Variants in SLC13A1 observed in about 807,000 individuals in gnomAD.
SLC13A1 encodes the protein Na(+)/sulfate cotransporter.
A neutral mutation model predicts 70.0 loss-of-function variants in SLC13A1; 65 were observed. The ratio of observed to expected loss-of-function variants is 0.93; its 90% CI spans 0.76 to 1.14. SLC13A1 has a LOEUF of 1.14. Among genes scored for constraint, SLC13A1 ranks in the 50% most tolerant of loss-of-function variants. The probability of loss-of-function intolerance (pLI) is 0.00; values close to 1 mark genes in which losing one functional copy is unlikely to be tolerated. For synonymous variants in SLC13A1, 275 were observed against 250.5 expected (o/e 1.10, Z -0.92); for missense variants, 726 against 717.8 (o/e 1.01, Z -0.13).
chr7:123,118,153 C>T (rs1193571274), intron 13 of SLC13A1, among the ~76,000 whole-genome samples: 2 of 151,990 alleles, frequency 1.3e-5, no homozygotes, highest in Non-Finnish European at 2.9e-5. Flanking sequence ...CCTGTGGCTC[C>T]AGCAGTTCTC....
chr7:123,119,269 T>C, intron 12 of SLC13A1, 27 bp from the exon 13 acceptor site: 1 of 1,467,982 alleles, frequency 6.8e-7, no homozygotes, highest in South Asian at 1.2e-5. Flanking sequence ...CAATATTTGT[T>C]ACTCATGAAT....
At chr7:123,142,700 C>G (rs1309466527) in intron 7 of SLC13A1, among the ~76,000 whole-genome samples, 1 of 122,920 alleles carries the variant, frequency 8.1e-6, no homozygotes, top group Non-Finnish European at 1.7e-5. Flanking sequence ...TCACCACAAC[C>G]TCTGCCTCCC....
chr7:123,127,163 T>A (rs1455156999), intron 10 of SLC13A1, among the ~76,000 whole-genome samples: 2 of 152,266 alleles, frequency 1.3e-5, no homozygotes, highest in South Asian at 4.1e-4. Context: ...AAATTTTATT[T>A]GTTTTGGGTT....
Position 123,133,996 on chromosome 7 carries a change from C to G in SLC13A1, c.932+414G>C, listed in dbSNP as rs77339921. 3.4e-3 allele frequency among the ~76,000 whole-genome samples: 519 copies of G among 152,138 alleles called. 3 individuals are homozygous for G. Among genetic ancestry groups the G allele is most frequent in the African/African-American group, 0.012 (488 of 41,510 alleles). ...GGGACCAGAGGCGCACACCACCATG[C>G]CTGGATGGTCCTTTTAGGGGGGAGG... On this transcript the variant is annotated intron_variant, in intron 8 of 14. Transcript: ENST00000194130.
At chr7:123,128,126 C>A (rs936123033) in intron 10 of SLC13A1, among the ~76,000 whole-genome samples, 3 of 152,064 alleles carry the variant, frequency 2.0e-5, no homozygotes, top group African/African-American at 2.4e-5. Context: ...CTTTTAAAAT[C>A]AGTCCTATTA....
intron 7 of SLC13A1, among the ~76,000 whole-genome samples, chr7:123,139,179 C>T (rs1395626640): frequency 2.0e-5 from 3 of 152,050 alleles, no homozygotes; most frequent in Admixed American, 6.6e-5. Context: ...GACTGCCTTT[C>T]CCCAGTGTAT....
intron 6 of SLC13A1, among the ~76,000 whole-genome samples, 195 bp downstream of exon 6, chr7:123,168,179 A>G (rs1563343103): frequency 6.6e-6 from 1 of 152,184 alleles, no homozygotes; most frequent in Non-Finnish European, 1.5e-5. Context: ...AGAGCCTAAA[A>G]TGGTTCCTAT....
chr7:123,180,911 T>C (rs760787899), intron 2 of SLC13A1, 62 bp downstream of exon 2: 10 of 1,536,172 alleles, frequency 6.5e-6, no homozygotes, highest in Non-Finnish European at 7.9e-6. Flanking sequence ...AAATAACTTT[T>C]CTCAATGGAA....
chr7:123,171,617 T>C (rs1795274553), intron 3 of SLC13A1, 151 bp downstream of exon 3: 6 of 791,850 alleles, frequency 7.6e-6, no homozygotes, highest in Non-Finnish European at 1.2e-5. Context: ...GTACACTTTA[T>C]ATCACTTTCA....
At chr7:123,134,377 TA>T (rs1563323744) in intron 8 of SLC13A1, 32 bp downstream of exon 8, 1 of 1,603,128 alleles carries the variant, frequency 6.2e-7, no homozygotes, top group Non-Finnish European at 8.5e-7. Flanking sequence ...TAGACACCTT[TA>T]TTTAGCCTAT....
intron 3 of SLC13A1, among the ~76,000 whole-genome samples, chr7:123,171,225 G>A (rs1795260563): frequency 6.6e-6 from 1 of 152,130 alleles, no homozygotes; most frequent in Admixed American, 6.5e-5. Context: ...AGTCAAATGA[G>A]TGATTTCATA....
chr7:123,165,053 C>A (rs2116518973), intron 6 of SLC13A1, among the ~76,000 whole-genome samples: 1 of 152,152 alleles, frequency 6.6e-6, no homozygotes, highest in South Asian at 2.1e-4. Flanking sequence ...AGTAGATATA[C>A]ATTCTTCCAT....
At chr7:123,151,892 T>C (rs1794569649) in intron 6 of SLC13A1, among the ~76,000 whole-genome samples, 4 of 152,228 alleles carry the variant, frequency 2.6e-5, no homozygotes, top group South Asian at 4.1e-4. Context: ...TCCACTGTTG[T>C]CACCCTGGTC....
At chr7:123,140,746 A>G (rs2116376699) in intron 7 of SLC13A1, among the ~76,000 whole-genome samples, 1 of 152,130 alleles carries the variant, frequency 6.6e-6, no homozygotes, top group East Asian at 1.9e-4. Context: ...TGATCCTTTG[A>G]ATTTCTGCAG....
intron 6 of SLC13A1, among the ~76,000 whole-genome samples, chr7:123,167,400 G>A (rs1795112311): frequency 6.6e-6 from 1 of 151,972 alleles, no homozygotes; most frequent in East Asian, 1.9e-4. Context: ...ACTTATCTTT[G>A]TATTCATTTT....
At chr7:123,187,491 T>C (rs1003182679) in intron 1 of SLC13A1, among the ~76,000 whole-genome samples, 9 of 152,322 alleles carry the variant, frequency 5.9e-5, no homozygotes, top group African/African-American at 2.2e-4. Context: ...AAACATTCCA[T>C]ATTCTGTTAA....
chr7:123,125,870 A>T (rs1793541328), intron 10 of SLC13A1, among the ~76,000 whole-genome samples, 195 bp from the exon 11 acceptor site: 2 of 152,216 alleles, frequency 1.3e-5, no homozygotes, highest in African/African-American at 2.4e-5. Context: ...CAATAATCTC[A>T]GACCATAGTC....
chr7:123,143,940 G>T (rs1794252005), intron 7 of SLC13A1, among the ~76,000 whole-genome samples: 1 of 152,182 alleles, frequency 6.6e-6, no homozygotes, highest in Admixed American at 6.5e-5. Context: ...CCTATTACAA[G>T]ATAAAGTCCC....
intron 11 of SLC13A1, 45 bp from the exon 12 acceptor site, chr7:123,123,280 C>T: frequency 8.4e-7 from 1 of 1,197,162 alleles, no homozygotes; most frequent in African/African-American, 1.5e-5. Context: ...TAAAATATTA[C>T]AATATGACAT....
Sources: gnomAD v4.1 joint callset for allele counts (sites outside exome capture counted in the v4.1 genomes callset) on GRCh38, gnomAD v4.1.1 for gene constraint, MANE v1.5 for transcripts, NCBI Gene and HGNC (gene_info 2026-07-23, HGNC 2026-07-21) for gene names.